Variants in THSD4 observed in about 807,000 individuals in gnomAD.
THSD4 encodes the protein thrombospondin type 1 domain containing 4.
In THSD4, 69 loss-of-function variants were observed where a neutral mutation model predicts 119.0. That is an observed-to-expected ratio of 0.58 (90% CI 0.48 to 0.71). The LOEUF (loss-of-function observed/expected upper bound fraction) is 0.71. THSD4 is among the 30% of genes least tolerant of loss of function. The pLI, the probability that THSD4 is intolerant of heterozygous loss-of-function variation, is 0.00. For synonymous variants in THSD4, 524 were observed against 540.4 expected, an observed-to-expected ratio of 0.97 and a Z score of 0.42; for missense variants, 1,393 against 1,391.1, an observed-to-expected ratio of 1.00 and a Z score of -0.02.
chr15:71,710,543 G>A (rs2052489434), intron 8 of THSD4, among the ~76,000 whole-genome samples: 1 of 152,118 alleles, frequency 6.6e-6, no homozygotes, highest in African/African-American at 2.4e-5. Context: ...ACTAGACCCA[G>A]GTCAATTTTG....
chr15:71,154,825 T>G, intron 2 of THSD4, 38 bp from the exon 3 acceptor site: 1 of 1,607,166 alleles, frequency 6.2e-7, no homozygotes. Flanking sequence ...GCCTGGAACA[T>G]ACTCACCATC....
At chr15:71,366,438 C>T (rs1452269626) in intron 6 of THSD4, among the ~76,000 whole-genome samples, 1 of 152,108 alleles carries the variant, frequency 6.6e-6, no homozygotes, top group Admixed American at 6.5e-5. Context: ...TGTGATATCT[C>T]CACTGGATTG....
chr15:71,567,728 G>A (rs1049823751), intron 7 of THSD4, among the ~76,000 whole-genome samples: 1 of 152,176 alleles, frequency 6.6e-6, no homozygotes, highest in Non-Finnish European at 1.5e-5. Flanking sequence ...CGCCATCAGC[G>A]GTCAAAACCA....
chr15:71,276,655 G>A (rs1172024307), intron 6 of THSD4, among the ~76,000 whole-genome samples: 1 of 152,122 alleles, frequency 6.6e-6, no homozygotes, highest in Non-Finnish European at 1.5e-5. Flanking sequence ...AATTTGAGAT[G>A]AGTCTCTATT....
At chr15:71,308,461 C>T (rs549331627) in intron 6 of THSD4, among the ~76,000 whole-genome samples, 3 of 145,148 alleles carry the variant, frequency 2.1e-5, no homozygotes, top group African/African-American at 7.7e-5. Flanking sequence ...ATCAGGAGAG[C>T]CCTGTCTCCT....
intron 6 of THSD4, among the ~76,000 whole-genome samples, chr15:71,289,430 T>C (rs998217343): frequency 6.6e-6 from 1 of 152,126 alleles, no homozygotes; most frequent in African/African-American, 2.4e-5. Context: ...CCATCCTGTT[T>C]TCTCTCCCTC....
intron 6 of THSD4, among the ~76,000 whole-genome samples, chr15:71,295,046 G>C (rs1488384546): frequency 4.6e-5 from 7 of 152,058 alleles, no homozygotes; most frequent in Non-Finnish European, 7.4e-5. Context: ...TTGCGTCAGG[G>C]AATGTGAGTG....
At chr15:71,652,546 A>G (rs2051113317) in intron 7 of THSD4, among the ~76,000 whole-genome samples, 1 of 152,342 alleles carries the variant, frequency 6.6e-6, no homozygotes, top group Non-Finnish European at 1.5e-5. Flanking sequence ...AGTTTGGGAT[A>G]TCCCCACCCT....
rs189079101 is a variant in THSD4 at position 71,368,335 on chromosome 15, T to A, written c.1016-43352T>A. Among the ~76,000 whole-genome samples, 59 of 152,344 alleles carry A rather than the reference T, an allele frequency of 3.9e-4. 1 individual carries two copies. In the East Asian group the frequency reaches 9.3e-3, roughly 24 times the overall value. ...TGGCTTTTGTTGCCATTGCTTTTGG[T>A]GTTTTAGACATGAAGTCCTTGCCCA... On this transcript the variant is annotated intron_variant, in intron 6 of 17. Transcript: ENST00000261862.
chr15:71,183,922 A>G (rs928109325), intron 3 of THSD4: 4 of 151,846 alleles, frequency 2.6e-5, no homozygotes, highest in Middle Eastern at 3.2e-3. Flanking sequence ...GACTTTGCCG[A>G]ATGTCCCTCT....
At chr15:71,260,674 A>T (rs1007981361) in intron 6 of THSD4, among the ~76,000 whole-genome samples, 7 of 151,978 alleles carry the variant, frequency 4.6e-5, no homozygotes, top group African/African-American at 1.7e-4. Flanking sequence ...ATCTTTCTCC[A>T]TCTCTAGGTT....
chr15:71,338,453 C>T (rs2045516613), intron 6 of THSD4, among the ~76,000 whole-genome samples: 1 of 152,068 alleles, frequency 6.6e-6, no homozygotes, highest in South Asian at 2.1e-4. Flanking sequence ...TAGAATTGGG[C>T]CATGAGGTAA....
chr15:71,541,724 A>G (rs1047252381), intron 7 of THSD4, among the ~76,000 whole-genome samples: 2 of 152,188 alleles, frequency 1.3e-5, no homozygotes, highest in Non-Finnish European at 2.9e-5. Flanking sequence ...GTGGTTTCCA[A>G]TATTTGGTGC....
chr15:71,730,535 GAGAATATGACCCAGCA>G, intron 9 of THSD4: 1 of 153,050 alleles, frequency 6.5e-6, no homozygotes, highest in Non-Finnish European at 1.5e-5. Flanking sequence ...TCATTCCTAA[GAGAATATGACCCAGCA>G]AGAGTTGGGT....
chr15:71,559,275 T>C (rs1481974940), intron 7 of THSD4, among the ~76,000 whole-genome samples: 1 of 152,198 alleles, frequency 6.6e-6, no homozygotes, highest in Non-Finnish European at 1.5e-5. Context: ...TAGCTTTTGC[T>C]CACTGTACCT....
intron 4 of THSD4, among the ~76,000 whole-genome samples, chr15:71,226,028 A>G (rs1173024447): frequency 6.6e-6 from 1 of 151,932 alleles, no homozygotes; most frequent in Admixed American, 6.6e-5. Flanking sequence ...GGAAGGGATC[A>G]CTATTTCGTG....
chr15:71,126,839 A>G, intron 1 of THSD4, among the ~76,000 whole-genome samples: 1 of 152,264 alleles, frequency 6.6e-6, no homozygotes, highest in Middle Eastern at 3.2e-3. Flanking sequence ...GCATTATATT[A>G]TGGGGCACAA....
At chr15:71,712,071 T>C (rs1380190581) in intron 8 of THSD4, among the ~76,000 whole-genome samples, 1 of 152,194 alleles carries the variant, frequency 6.6e-6, no homozygotes, top group Non-Finnish European at 1.5e-5. Context: ...TCTTTTCAAG[T>C]GTACATGGAA....
intron 7 of THSD4, among the ~76,000 whole-genome samples, chr15:71,650,246 A>G (rs568399657): frequency 6.6e-6 from 1 of 152,336 alleles, no homozygotes; most frequent in Admixed American, 6.5e-5. Flanking sequence ...AACAGAGACC[A>G]TATGACTGCA....
Sources: gnomAD v4.1 joint callset for allele counts (sites outside exome capture counted in the v4.1 genomes callset) on GRCh38, gnomAD v4.1.1 for gene constraint, MANE v1.5 for transcripts, NCBI Gene and HGNC (gene_info 2026-07-23, HGNC 2026-07-21) for gene names.